Variants in NBPF9 observed in about 807,000 individuals in gnomAD.
NBPF9 encodes the protein NBPF member 9.
Under a neutral mutation model 97.8 loss-of-function variants are expected in NBPF9, and 91 were observed. The ratio of observed to expected loss-of-function variants is 0.93; its 90% CI spans 0.79 to 1.11. NBPF9 has a LOEUF of 1.11. Ranked by LOEUF, NBPF9 falls within the 50% of genes least tolerant of loss-of-function variation. NBPF9 has a pLI of 0.00. For missense variants in NBPF9, 992 were observed against 939.5 expected (o/e 1.06, Z -0.73); for synonymous variants, 334 against 359.5 (o/e 0.93, Z 0.80).
chr1:149,098,942 T>C (rs1474867210), intron 3 of NBPF9, among the ~76,000 whole-genome samples: 2 of 137,758 alleles, frequency 1.5e-5, no homozygotes, highest in African/African-American at 5.5e-5. Flanking sequence ...TGGCCCAGCA[T>C]GGTGGCACAC....
rs587739417 is a variant in NBPF9, at chr1:149,103,507, A to G, written c.-1049T>C. On this transcript the variant is annotated 5_prime_UTR_variant, in exon 1 of 30. It removes an upstream start codon present in the reference 5' UTR. Transcript: ENST00000584027. Reference sequence around the variant, plus strand: ...CGCTGTCTCAACCGCCGCCCAGCCCATAGCCTGCGGCCAGCTGGATCCTCA... The same window carrying G: ...CGCTGTCTCAACCGCCGCCCAGCCCGTAGCCTGCGGCCAGCTGGATCCTCA... 2 of 152,338 alleles carry G rather than the reference A, an allele frequency of 1.3e-5. No individual in the cohort carries two copies. The highest frequency in any genetic ancestry group is 2.9e-5 in the Non-Finnish European group (2 of 68,198). 9.4% of individuals were successfully genotyped at this position (152,338 alleles called of 1,614,324 possible). A position where few individuals can be genotyped will look rare whatever the true frequency, so the allele number is the denominator to read the frequency against.
exon 16 of NBPF9, chr1:149,071,120 C>T (rs782246064): frequency 3.4e-5 from 55 of 1,594,634 alleles, no homozygotes; most frequent in Non-Finnish European, 4.1e-5. Flanking sequence ...ACTTCCTTTT[C>T]TTCAGCCTTC....
chr1:149,080,562 T>C (rs1257470743), intron 7 of NBPF9, among the ~76,000 whole-genome samples: 5 of 151,220 alleles, frequency 3.3e-5, no homozygotes, highest in Non-Finnish European at 4.4e-5. Context: ...GGACTGATGG[T>C]TTCCCTTTTA....
At chr1:149,067,389 C>T (rs2079098742) in intron 17 of NBPF9, among the ~76,000 whole-genome samples, 1 of 129,502 alleles carries the variant, frequency 7.7e-6, no homozygotes, top group Non-Finnish European at 1.6e-5. Flanking sequence ...TATACATGTC[C>T]ACATTGGTGT....
At position 149,059,414 on chromosome 1, in the gene NBPF9, A is replaced by G. The variant is rs2152866153; in HGVS notation, c.2585+286T>C. ...TGACACACAGCAAACTGTGATCATG[A>G]AAAGAGTGAGCTCAATAGTTTTCCA... On this transcript the variant is annotated intron_variant, in intron 25 of 29. Transcript: ENST00000584027. The G allele has an allele frequency of 1.5e-5, 6 of 412,800 alleles. 1 individual carries two copies. In the East Asian group the frequency reaches 1.9e-4, roughly 13 times the overall value. 25.6% of individuals were successfully genotyped at this position (412,800 alleles called of 1,614,324 possible). A position where few individuals can be genotyped will look rare whatever the true frequency, so the allele number is the denominator to read the frequency against.
Position 149,060,713 on chromosome 1 carries a change from A to G in NBPF9, c.2304-18T>C. The G allele has an allele frequency of 2.8e-6, 1 of 351,626 alleles. No individual in the cohort carries two copies. The highest frequency in any genetic ancestry group is 5.0e-6 in the Non-Finnish European group (1 of 200,612). 21.8% of individuals were successfully genotyped at this position (351,626 alleles called of 1,614,324 possible). A position where few individuals can be genotyped will look rare whatever the true frequency, so the allele number is the denominator to read the frequency against. Reference sequence around the variant, plus strand: ...TGCTGAGCCTGGAAAAGGAGGAAAAAGTAAAGAATAAGCCAGGGGAAATCA... The same window carrying G: ...TGCTGAGCCTGGAAAAGGAGGAAAAGGTAAAGAATAAGCCAGGGGAAATCA... On this transcript the variant is annotated intron_variant, in intron 23 of 29. Transcript: ENST00000584027.
rs2079869152 is a variant in NBPF9 at position 149,076,368 on chromosome 1, T to C, written c.779-504A>G. On this transcript the variant is annotated intron_variant, in intron 11 of 29. Coordinates refer to ENST00000584027, the Ensembl canonical transcript of NBPF9. ...GCCAAGTAACATGCCAGCTAATTTT[T>C]GTATTTTTAGTAGAGATGGGGTTTC... 1.3e-5 allele frequency among the ~76,000 whole-genome samples: 2 copies of C among 151,270 alleles called. 1 individual carries two copies.
At chr1:149,093,476 G>A (rs587704889) in intron 4 of NBPF9, among the ~76,000 whole-genome samples, 1 of 151,336 alleles carries the variant, frequency 6.6e-6, no homozygotes, top group Non-Finnish European at 1.5e-5. Context: ...TTCCCACGAG[G>A]CTGTATTTCA....
intron 16 of NBPF9, 112 bp from the exon 17 acceptor site, chr1:149,069,757 G>C: frequency 1.3e-6 from 1 of 766,710 alleles, no homozygotes; most frequent in Non-Finnish European, 2.4e-6. Flanking sequence ...GCAAGAATAA[G>C]GATTCTGACA....
In NBPF9 at chr1:149,072,487, G is replaced by A. The variant is rs1175133633; in HGVS notation, c.1306+231C>T. 4.6e-5 allele frequency among the ~76,000 whole-genome samples: 7 copies of A among 152,146 alleles called. No homozygotes were observed. In the East Asian group the frequency reaches 9.7e-4, roughly 21 times the overall value. Reference sequence around the variant, plus strand: ...TAAAACTAGATAGATGCTGCCTCTTGCTCCAAAGACCACCTTCCATCAAGG... The same window carrying A: ...TAAAACTAGATAGATGCTGCCTCTTACTCCAAAGACCACCTTCCATCAAGG... On this transcript the variant is annotated intron_variant, in intron 14 of 29. Coordinates refer to ENST00000584027, the Ensembl canonical transcript of NBPF9.
At chr1:149,099,657 T>C (rs1378938122) in intron 3 of NBPF9, among the ~76,000 whole-genome samples, 1 of 152,208 alleles carries the variant, frequency 6.6e-6, no homozygotes, top group Non-Finnish European at 1.5e-5. Context: ...GAGATTTTAG[T>C]AAATCTTTTA....
At chr1:149,064,633 C>G (rs1575829067) in intron 18 of NBPF9, 151 bp from the exon 19 acceptor site, 2 of 626,938 alleles carry the variant, frequency 3.2e-6, no homozygotes, top group Non-Finnish European at 5.6e-6. Context: ...GGCCTGAGGT[C>G]AAGTCTTGAG....
chr1:149,088,841 T>C (rs2152919153), intron 5 of NBPF9, among the ~76,000 whole-genome samples: 1 of 151,926 alleles, frequency 6.6e-6, no homozygotes, highest in Non-Finnish European at 1.5e-5. Flanking sequence ...CCCCAAGGGA[T>C]CCAATCTCCC....
In NBPF9 at chr1:149,065,626, A is replaced by T. The variant is rs1469152505; in HGVS notation, c.1701T>A (p.Thr567=). Residue 567 remains threonine (T), a synonymous_variant, in exon 18 of 30, where the codon ACT becomes ACA. Coordinates refer to ENST00000584027, the Ensembl canonical transcript of NBPF9. ...CCAACATTTCAGGAGGAATTGAGGG[A>T]GTCGAATAACCTTCATCCCAGGACT... The T allele has an allele frequency of 4.1e-5, 66 of 1,602,298 alleles. 1 individual carries two copies. The Admixed American group carries it at 1.1e-3, about 26-fold the overall frequency.
chr1:149,083,128 G>T (rs61809722), intron 5 of NBPF9, among the ~76,000 whole-genome samples: 1 of 150,962 alleles, frequency 6.6e-6, no homozygotes, highest in Non-Finnish European at 1.5e-5. Context: ...TACTCAGGTG[G>T]GTATATATGC....
At chr1:149,058,340 A>T in intron 26 of NBPF9, 125 bp from the exon 27 acceptor site, 3 of 484,270 alleles carry the variant, frequency 6.2e-6, no homozygotes, top group Non-Finnish European at 1.1e-5. Flanking sequence ...AATGTGACAG[A>T]TATACTTCAG....
intron 14 of NBPF9, among the ~76,000 whole-genome samples, chr1:149,072,373 GAA>G (rs1387729135): frequency 6.6e-6 from 1 of 152,138 alleles, no homozygotes; most frequent in Admixed American, 6.5e-5. Context: ...GAACATTGCC[GAA>G]AAGACAGCCT....
At chr1:149,074,199 TC>T (rs2079654610) in intron 12 of NBPF9, among the ~76,000 whole-genome samples, 1 of 151,450 alleles carries the variant, frequency 6.6e-6, no homozygotes, top group African/African-American at 2.4e-5. Context: ...CAGCCTCTCC[TC>T]TAAAACACTG....
At position 149,059,822 on chromosome 1, in the gene NBPF9, A is replaced by C; in HGVS notation, c.2477-14T>G. On this transcript the variant is annotated splice_polypyrimidine_tract_variant and intron_variant, in intron 24 of 29. Coordinates refer to ENST00000584027, the Ensembl canonical transcript of NBPF9. ...TCTTTTCAATTTCTGCAATAAATTCAGACATGGACAGACACATTAAGCTGA... is the reference window on the plus strand; with the variant it reads ...TCTTTTCAATTTCTGCAATAAATTCCGACATGGACAGACACATTAAGCTGA... The C allele has an allele frequency of 1.9e-6, 1 of 529,188 alleles. No homozygotes were observed. The highest frequency in any genetic ancestry group is 3.5e-6 in the Non-Finnish European group (1 of 289,718). The allele number at this position is 529,188 out of a possible 1,614,324, so 32.8% of individuals were successfully genotyped here.
Sources: gnomAD v4.1 joint callset for allele counts (sites outside exome capture counted in the v4.1 genomes callset) on GRCh38, gnomAD v4.1.1 for gene constraint, MANE v1.5 for transcripts, NCBI Gene and HGNC (gene_info 2026-07-23, HGNC 2026-07-21) for gene names.